The following SLC3A1 variants were observed in gnomAD, a reference collection of about 807,000 sequenced individuals.
SLC3A1 encodes the protein amino acid transporter heavy chain SLC3A1.
Under a neutral mutation model 60.3 loss-of-function variants are expected in SLC3A1, and 78 were observed. The observed-to-expected ratio is 1.29, with a 90% CI of 1.08 to 1.56. The LOEUF is 1.56. Among genes scored for constraint, SLC3A1 ranks in the 40% most tolerant of loss-of-function variants. SLC3A1 has a pLI of 0.00. For synonymous variants in SLC3A1, 392 were observed against 307.9 expected (o/e 1.27, Z -2.86); for missense variants, 1,172 against 858.9 (o/e 1.36, Z -4.56).
downstream of SLC3A1, chr2:44,321,670 A>T (rs1384670485): frequency 1.3e-6 from 2 of 1,537,678 alleles, no homozygotes; most frequent in South Asian, 2.5e-5. Flanking sequence ...ATTTCTCTTG[A>T]TTGACACAGT....
At chr2:44,315,324 C>T (rs906205539) in intron 9 of SLC3A1, 1 of 151,836 alleles carries the variant, frequency 6.6e-6, no homozygotes, top group African/African-American at 2.4e-5. Context: ...TGGAAAGGAA[C>T]AGAAAATTTA....
intron 9 of SLC3A1, among the ~76,000 whole-genome samples, chr2:44,317,058 A>T (rs1214124365): frequency 6.6e-6 from 1 of 152,196 alleles, no homozygotes; most frequent in Non-Finnish European, 1.5e-5. Flanking sequence ...GGCACACAGG[A>T]GCAAGCAAAT....
intron 4 of SLC3A1, among the ~76,000 whole-genome samples, chr2:44,290,123 CTTT>C (rs34642873): frequency 7.6e-6 from 1 of 131,108 alleles, no homozygotes; most frequent in African/African-American, 2.8e-5. Context: ...AGCTGTCCGA[CTTT>C]TTTTTTTTTT....
In SLC3A1 at chr2:44,275,501, C is replaced by A; in HGVS notation, c.-35C>A. The stretch of plus-strand genomic sequence containing the variant: ...AGCCACTCTTCCACCTCCCTTACTG[C>A]AGGAAGGCACTCCGAAGACATAAGT... On this transcript the variant is annotated 5_prime_UTR_variant, in exon 1 of 10. Transcript: ENST00000260649. The A allele has an allele frequency of 6.3e-7, 1 of 1,581,168 alleles. No homozygotes were observed. Among genetic ancestry groups the A allele is most frequent in the Non-Finnish European group, 8.7e-7 (1 of 1,152,394 alleles).
chr2:44,320,127 C>A (rs966840324), intron 9 of SLC3A1, 72 bp from the exon 10 acceptor site: 44 of 1,353,636 alleles, frequency 3.3e-5, no homozygotes, highest in Non-Finnish European at 4.3e-5. Context: ...TAACTCCTTA[C>A]AATATATTAA....
At chr2:44,299,909 G>T (rs2104362302) in intron 4 of SLC3A1, 62 bp from the exon 5 acceptor site, 1 of 1,572,568 alleles carries the variant, frequency 6.4e-7, no homozygotes, top group South Asian at 1.1e-5. Context: ...TCAAAACTTT[G>T]ATTAAACGTT....
chr2:44,307,739 G>T (rs1193051893), intron 7 of SLC3A1, among the ~76,000 whole-genome samples: 1 of 152,086 alleles, frequency 6.6e-6, no homozygotes, highest in Non-Finnish European at 1.5e-5. Flanking sequence ...ATATATACTG[G>T]ATAGGTGATT....
chr2:44,295,245 G>A (rs571783458), intron 4 of SLC3A1, among the ~76,000 whole-genome samples: 1 of 152,202 alleles, frequency 6.6e-6, no homozygotes, highest in Non-Finnish European at 1.5e-5. Context: ...GCTATTTAAA[G>A]AGAAAGGAGT....
rs527562376 is a variant in SLC3A1, at chr2:44,303,585, T to A, written c.1137-558T>A. ...GGGGGGGGTGGATTTTTCTGCCTTA[T>A]TTTTTATTATTATACTTTTAGTTCT... On this transcript the variant is annotated intron_variant, in intron 6 of 9. Transcript: ENST00000260649. Among the ~76,000 whole-genome samples the A allele has an allele frequency of 2.6e-5, 4 of 152,066 alleles. No homozygotes were observed. The East Asian group carries it at 7.8e-4, about 29-fold the overall frequency.
intron 7 of SLC3A1, among the ~76,000 whole-genome samples, chr2:44,305,577 G>A (rs765045124): frequency 2.6e-5 from 4 of 151,594 alleles, no homozygotes; most frequent in African/African-American, 7.3e-5. Context: ...ACAGGTGCAC[G>A]CCACCATGCC....
chr2:44,292,101 C>T (rs892571534), intron 4 of SLC3A1, among the ~76,000 whole-genome samples: 1 of 152,108 alleles, frequency 6.6e-6, no homozygotes, highest in Non-Finnish European at 1.5e-5. Context: ...GGTGAAGTAA[C>T]CCAGCGGGTT....
chr2:44,313,903 T>C lies in SLC3A1; in HGVS notation c.1569T>C (p.Ser523=), dbSNP rs777071361. The C allele has an allele frequency of 3.7e-6, 6 of 1,614,000 alleles. No individual in the cohort carries two copies. The highest frequency in any genetic ancestry group is 3.3e-5 in the Admixed American group (2 of 59,990). ...CAAATGCTGGTTTTTCTGAAGCTAG[T>C]AACACCTGGTTACCTACCAATTCAG... ...NSSNAGFSEA[S]NTWLPTNSDY... Residue 523 remains serine, a synonymous_variant, in exon 9 of 10, where the codon AGT becomes AGC. Transcript: ENST00000260649.
chr2:44,309,628 C>G (rs898623193), intron 7 of SLC3A1, among the ~76,000 whole-genome samples: 2 of 152,194 alleles, frequency 1.3e-5, no homozygotes, highest in Non-Finnish European at 2.9e-5. Context: ...GAGATGGAGT[C>G]TCACTGTATC....
At chr2:44,284,492 C>T (rs559781223) in intron 3 of SLC3A1, among the ~76,000 whole-genome samples, 2 of 152,224 alleles carry the variant, frequency 1.3e-5, no homozygotes, top group East Asian at 3.9e-4. Context: ...CAATTTATAT[C>T]CCCCACAGAA....
chr2:44,309,856 C>T (rs541262409), intron 7 of SLC3A1, among the ~76,000 whole-genome samples: 15 of 152,246 alleles, frequency 9.9e-5, no homozygotes, highest in African/African-American at 2.6e-4. Context: ...CCTTGGCCTC[C>T]CAAAGTGCTG....
At chr2:44,307,046 TCCGTGTCTATGGATTTG>T (rs1275217323) in intron 7 of SLC3A1, among the ~76,000 whole-genome samples, 2 of 152,278 alleles carry the variant, frequency 1.3e-5, no homozygotes, top group African/African-American at 4.8e-5. Flanking sequence ...TCACCTACTT[TCCGTGTCTATGGATTTG>T]CCTATTCAGG....
chr2:44,276,312 A>G (rs1404096731), intron 1 of SLC3A1, among the ~76,000 whole-genome samples: 2 of 152,174 alleles, frequency 1.3e-5, no homozygotes, highest in Admixed American at 6.5e-5. Context: ...ATAGTTGAAT[A>G]TGTCAGGGTG....
intron 2 of SLC3A1, 45 bp from the exon 3 acceptor site, chr2:44,281,342 T>C: frequency 6.5e-7 from 1 of 1,536,394 alleles, no homozygotes; most frequent in Non-Finnish European, 9.0e-7. Flanking sequence ...TATGTTATTC[T>C]AATACAATCT....
chr2:44,278,096 G>T (rs561253740), intron 1 of SLC3A1, among the ~76,000 whole-genome samples: 10 of 152,172 alleles, frequency 6.6e-5, no homozygotes, highest in African/African-American at 2.4e-4. Flanking sequence ...TGTTGATACC[G>T]TGTGAGATCT....
Sources: allele counts gnomAD v4.1 joint callset (sites outside exome capture counted in the v4.1 genomes callset), GRCh38; gene constraint gnomAD v4.1.1; transcripts MANE v1.5; gene names NCBI Gene and HGNC (gene_info 2026-07-23, HGNC 2026-07-21).